The following DLGAP2 variants were observed in gnomAD, a reference collection of about 807,000 sequenced individuals.
DLGAP2 encodes disks large-associated protein 2.
In DLGAP2, 26 loss-of-function variants were observed where a neutral mutation model predicts 100.3. That is an observed-to-expected ratio of 0.26 (90% CI 0.19 to 0.36). DLGAP2 has a LOEUF of 0.36. DLGAP2 is among the 10% of genes least tolerant of loss of function. DLGAP2 has a pLI of 1.00. For synonymous variants in DLGAP2, 886 were observed against 630.1 expected (o/e 1.41, Z -6.08); for missense variants, 1,858 against 1,453.2 (o/e 1.28, Z -4.53).
At chr8:1,452,087 G>A (rs559070274) in intron 3 of DLGAP2, among the ~76,000 whole-genome samples, 1 of 152,272 alleles carries the variant, frequency 6.6e-6, no homozygotes, top group Non-Finnish European at 1.5e-5. Context: ...TTGCCACTGG[G>A]CATGGTTGTA....
At chr8:1,257,391 C>G (rs1198361231) in intron 2 of DLGAP2, among the ~76,000 whole-genome samples, 1 of 152,128 alleles carries the variant, frequency 6.6e-6, no homozygotes, top group Non-Finnish European at 1.5e-5. Context: ...TAATGTTCCG[C>G]TCCCTCCTGA....
At chr8:1,595,733 A>G (rs1354556308) in intron 6 of DLGAP2, among the ~76,000 whole-genome samples, 1 of 150,302 alleles carries the variant, frequency 6.7e-6, no homozygotes, top group Non-Finnish European at 1.5e-5. Flanking sequence ...CTCCCCACCC[A>G]GTTACTCCCT....
intron 2 of DLGAP2, among the ~76,000 whole-genome samples, chr8:1,128,230 G>C (rs1375272065): frequency 6.7e-6 from 1 of 148,150 alleles, no homozygotes; most frequent in East Asian, 2.0e-4. Context: ...TGTTGTGTTC[G>C]GTGAGGACCT....
chr8:1,233,394 C>T (rs1311257525), intron 2 of DLGAP2, among the ~76,000 whole-genome samples: 1 of 152,178 alleles, frequency 6.6e-6, no homozygotes, highest in South Asian at 2.1e-4. Context: ...GCTGTAACCT[C>T]CTGGGAGCAA....
At chr8:1,376,062 C>T (rs1391886748) in intron 3 of DLGAP2, among the ~76,000 whole-genome samples, 6 of 122,076 alleles carry the variant, frequency 4.9e-5, no homozygotes, top group African/African-American at 1.9e-4. Context: ...TCCACGGCCT[C>T]AGAACTGAGC....
intron 2 of DLGAP2, among the ~76,000 whole-genome samples, chr8:1,233,409 G>T (rs76508398): frequency 6.6e-6 from 1 of 152,180 alleles, no homozygotes; most frequent in Non-Finnish European, 1.5e-5. Context: ...GAGCAAGGGC[G>T]TGCCTGTCTT....
intron 3 of DLGAP2, among the ~76,000 whole-genome samples, chr8:1,437,658 T>G (rs555544573): frequency 2.0e-5 from 3 of 151,968 alleles, no homozygotes; most frequent in Non-Finnish European, 2.9e-5. Context: ...TCTGTAAATA[T>G]GCATCAGTTT....
intron 3 of DLGAP2, among the ~76,000 whole-genome samples, chr8:1,339,156 G>C (rs1245747557): frequency 1.4e-5 from 2 of 143,812 alleles, no homozygotes; most frequent in African/African-American, 5.2e-5. Flanking sequence ...CAGGACCCGG[G>C]AGGGAAGGCA....
chr8:1,613,829 G>C (rs1797062387), intron 6 of DLGAP2, among the ~76,000 whole-genome samples: 2 of 152,292 alleles, frequency 1.3e-5, no homozygotes, highest in South Asian at 4.1e-4. Flanking sequence ...GGCCTCCTCT[G>C]TATTCTTTTT....
At chr8:878,564 C>G (rs1370581498) in intron 1 of DLGAP2, among the ~76,000 whole-genome samples, 1 of 152,096 alleles carries the variant, frequency 6.6e-6, no homozygotes, top group Middle Eastern at 3.2e-3. Flanking sequence ...TCCAGTGGTG[C>G]TATGGTTTGG....
intron 4 of DLGAP2, among the ~76,000 whole-genome samples, chr8:1,535,584 A>T (rs1009217234): frequency 3.3e-5 from 5 of 152,164 alleles, no homozygotes; most frequent in Non-Finnish European, 7.3e-5. Flanking sequence ...TGTTGGTAAG[A>T]TGTGTGATGG....
At chr8:1,037,665 C>T (rs1802174298) in intron 2 of DLGAP2, among the ~76,000 whole-genome samples, 1 of 152,218 alleles carries the variant, frequency 6.6e-6, no homozygotes, top group South Asian at 2.1e-4. Context: ...TGGCTCTGCC[C>T]TTGCTGGGTT....
chr8:1,695,907 C>T (rs1799385988), intron 13 of DLGAP2, among the ~76,000 whole-genome samples: 1 of 152,212 alleles, frequency 6.6e-6, no homozygotes, highest in Non-Finnish European at 1.5e-5. Flanking sequence ...GCCAGGGCCG[C>T]CCTCCTGGGG....
At chr8:1,179,264 A>G (rs926171389) in intron 2 of DLGAP2, among the ~76,000 whole-genome samples, 16 of 152,340 alleles carry the variant, frequency 1.1e-4, no homozygotes, top group Middle Eastern at 3.4e-3. Flanking sequence ...CCTTAGATGC[A>G]GAGTGGGGGT....
chr8:912,684 C>G (rs564847172), intron 2 of DLGAP2, among the ~76,000 whole-genome samples: 106 of 148,902 alleles, frequency 7.1e-4, no homozygotes, highest in African/African-American at 2.6e-3. Flanking sequence ...GTGGAGCTGA[C>G]CCCCGCACCG....
intron 2 of DLGAP2, among the ~76,000 whole-genome samples, chr8:994,826 A>C (rs1800741807): frequency 6.6e-6 from 1 of 152,198 alleles, no homozygotes; most frequent in Non-Finnish European, 1.5e-5. Context: ...ACAGCAGACG[A>C]AGAGTCATTC....
chr8:1,483,580 G>T (rs550644589), intron 3 of DLGAP2, among the ~76,000 whole-genome samples: 2 of 141,092 alleles, frequency 1.4e-5, no homozygotes, highest in East Asian at 3.9e-4. Context: ...GAGCAGGGAG[G>T]CAGGCGCAGA....
At chr8:1,151,075 A>T (rs780593008) in intron 2 of DLGAP2, among the ~76,000 whole-genome samples, 18 of 152,194 alleles carry the variant, frequency 1.2e-4, no homozygotes, top group Non-Finnish European at 1.9e-4. Context: ...AACGATGTTA[A>T]CATTTTGATA....
chr8:950,915 C>A (rs1042434925), intron 2 of DLGAP2, among the ~76,000 whole-genome samples: 1 of 152,034 alleles, frequency 6.6e-6, no homozygotes, highest in African/African-American at 2.4e-5. Flanking sequence ...TGAGCCACCG[C>A]GCTCGGCCCT....
Sources: allele counts gnomAD v4.1 joint callset (sites outside exome capture counted in the v4.1 genomes callset), GRCh38; gene constraint gnomAD v4.1.1; transcripts MANE v1.5; gene names NCBI Gene and HGNC (gene_info 2026-07-23, HGNC 2026-07-21).